LRIG1: variants seen among roughly 807,000 people sequenced by gnomAD.
LRIG1 encodes the protein leucine-rich repeats and immunoglobulin-like domains protein 1.
LRIG1 carries 48 observed loss-of-function variants against 99.2 expected under a neutral mutation model. That is an observed-to-expected ratio of 0.48 (90% CI 0.38 to 0.62). The LOEUF is 0.62. LRIG1 is among the 20% of genes least tolerant of loss of function. The probability of loss-of-function intolerance (pLI) is 0.00; values close to 1 mark genes in which losing one functional copy is unlikely to be tolerated. For missense variants in LRIG1, 1,646 were observed against 1,434.4 expected (o/e 1.15, Z -2.38); for synonymous variants, 772 against 596.1 (o/e 1.29, Z -4.30).
At chr3:66,411,658 G>C (rs1231909843) in intron 6 of LRIG1, among the ~76,000 whole-genome samples, 1 of 152,194 alleles carries the variant, frequency 6.6e-6, no homozygotes, top group African/African-American at 2.4e-5. Context: ...CATGTGGATG[G>C]ACCTGGGCCT....
intron 10 of LRIG1, 132 bp from the exon 11 acceptor site, chr3:66,398,315 T>C: frequency 3.0e-6 from 2 of 666,498 alleles, no homozygotes; most frequent in East Asian, 2.7e-5. Flanking sequence ...TAAGTGGCTG[T>C]TGTTTCCCAA....
chr3:66,409,845 CCAACAG>C, intron 7 of LRIG1: 1 of 315,716 alleles, frequency 3.2e-6, no homozygotes, highest in Non-Finnish European at 5.8e-6. Context: ...GTCTCCAAAC[CCAACAG>C]GACCTTGGGG....
At chr3:66,493,936 AAAAG>A (rs1172413057) in intron 1 of LRIG1, among the ~76,000 whole-genome samples, 4 of 151,766 alleles carry the variant, frequency 2.6e-5, no homozygotes, top group Admixed American at 6.6e-5. Context: ...AGAAAAAAGA[AAAAG>A]AAAACAGAGA....
At chr3:66,437,189 G>A (rs540150318) in intron 3 of LRIG1, among the ~76,000 whole-genome samples, 4 of 152,308 alleles carry the variant, frequency 2.6e-5, no homozygotes, top group South Asian at 4.1e-4. Context: ...CTCCACCTTC[G>A]CTTCACAGAA....
At chr3:66,495,243 T>C (rs994758536) in intron 1 of LRIG1, among the ~76,000 whole-genome samples, 4 of 152,212 alleles carry the variant, frequency 2.6e-5, no homozygotes, top group African/African-American at 9.6e-5. Flanking sequence ...TGGAGATTTT[T>C]AGATATTTGC....
chr3:66,418,077 G>GT (rs141622151), intron 3 of LRIG1, among the ~76,000 whole-genome samples: 2,365 of 148,146 alleles, frequency 0.016, 73 homozygotes, highest in African/African-American at 0.054. Flanking sequence ...TGTAACTTGT[G>GT]TTTTTTTTTT....
At chr3:66,426,391 C>T (rs913708303) in intron 3 of LRIG1, among the ~76,000 whole-genome samples, 1 of 152,206 alleles carries the variant, frequency 6.6e-6, no homozygotes. Flanking sequence ...CCCTGTCAAC[C>T]CTATGGCAAC....
intron 3 of LRIG1, among the ~76,000 whole-genome samples, chr3:66,427,166 C>A (rs1346524464): frequency 1.3e-5 from 2 of 152,242 alleles, no homozygotes; most frequent in South Asian, 4.1e-4. Context: ...CAGCACTCTG[C>A]CCATCATGGT....
At chr3:66,446,398 C>T (rs1202550201) in intron 3 of LRIG1, among the ~76,000 whole-genome samples, 1 of 150,250 alleles carries the variant, frequency 6.7e-6, no homozygotes, top group Non-Finnish European at 1.5e-5. Flanking sequence ...CTCCCGCCCA[C>T]CCGCCTTTTT....
chr3:66,390,839 T>C (rs1701589106), intron 12 of LRIG1, among the ~76,000 whole-genome samples: 1 of 152,142 alleles, frequency 6.6e-6, no homozygotes, highest in South Asian at 2.1e-4. Context: ...AATTAAAAAC[T>C]TTTGCATTTC....
In LRIG1 at chr3:66,382,382, T is replaced by A. The variant is rs1482332637; in HGVS notation, c.2508A>T (p.Pro836=). The A allele has an allele frequency of 6.2e-7, 1 of 1,614,162 alleles. No homozygotes were observed. Among genetic ancestry groups the A allele is most frequent in the Admixed American group, 1.7e-5 (1 of 60,022 alleles). The change falls in exon 16 of 19, where the codon CCA becomes CCT. Residue 836 remains proline, a synonymous_variant. Coordinates refer to ENST00000273261, the MANE Select transcript of LRIG1 (RefSeq NM_015541.3). ...SVTNTDETVV[P]PDVPSYLSSQ... The stretch of plus-strand genomic sequence containing the variant: ...AAGAGAGGTAGCTTGGAACATCTGG[T>A]GGCACGACGGTTTCATCTGCAAGGA...
At chr3:66,382,828 T>C (rs1021589948) in intron 15 of LRIG1, among the ~76,000 whole-genome samples, 154 bp downstream of exon 15, 1 of 152,174 alleles carries the variant, frequency 6.6e-6, no homozygotes, top group Non-Finnish European at 1.5e-5. Flanking sequence ...TAAGGTTAAG[T>C]TCCTCAAAGT....
chr3:66,483,069 C>T (rs1436542065), intron 1 of LRIG1, among the ~76,000 whole-genome samples: 2 of 152,280 alleles, frequency 1.3e-5, no homozygotes, highest in African/African-American at 2.4e-5. Context: ...CAGCACCCCC[C>T]GTAAGGCCAC....
At position 66,380,564 on chromosome 3, in the gene LRIG1, A is replaced by T. The variant is rs1341019688; in HGVS notation, c.3055+13T>A. The T allele has an allele frequency of 6.2e-7, 1 of 1,613,268 alleles. No individual in the cohort carries two copies. Among genetic ancestry groups the T allele is most frequent in the Non-Finnish European group, 8.5e-7 (1 of 1,179,366 alleles). ...GCTCCCAACCCACCTGTTAGAAGACAGTCAAAAGTTACCTTTCCCATCTAG... is the reference window on the plus strand; with the variant it reads ...GCTCCCAACCCACCTGTTAGAAGACTGTCAAAAGTTACCTTTCCCATCTAG... On this transcript the variant is annotated intron_variant, in intron 18 of 18. Coordinates refer to ENST00000273261, the MANE Select transcript of LRIG1 (RefSeq NM_015541.3).
chr3:66,409,528 C>A (rs1446605074), intron 7 of LRIG1, among the ~76,000 whole-genome samples: 1 of 152,230 alleles, frequency 6.6e-6, no homozygotes, highest in African/African-American at 2.4e-5. Flanking sequence ...CACCACACAT[C>A]TCTGAACTAA....
chr3:66,386,473 T>A, intron 12 of LRIG1, 172 bp from the exon 13 acceptor site: 1 of 609,036 alleles, frequency 1.6e-6, no homozygotes, highest in Non-Finnish European at 2.9e-6. Context: ...ACCATGGACA[T>A]CTGACCTCAT....
At chr3:66,496,283 TTAATTTAC>T (rs1375304683) in intron 1 of LRIG1, among the ~76,000 whole-genome samples, 1 of 152,164 alleles carries the variant, frequency 6.6e-6, no homozygotes, top group Non-Finnish European at 1.5e-5. Flanking sequence ...CAATACACAG[TTAATTTAC>T]ATGGGGCGCT....
intron 12 of LRIG1, among the ~76,000 whole-genome samples, chr3:66,392,698 GGCTAGGTGAACTT>G (rs1469352732): frequency 1.3e-5 from 2 of 152,176 alleles, no homozygotes; most frequent in Non-Finnish European, 2.9e-5. Context: ...ACAGGCTGGG[GGCTAGGTGAACTT>G]ACCAAAGTCC....
rs564554982 is a variant in LRIG1 at position 66,450,502 on chromosome 3, T to G, written c.365+1057A>C. Among the ~76,000 whole-genome samples the G allele has an allele frequency of 9.2e-5, 14 of 152,264 alleles. 1 individual carries two copies. ...GCAATTCTAACCCCCCACGCTCTCC[T>G]GCAATCCCACAATGCCATGAAAAGG... On this transcript the variant is annotated intron_variant, in intron 3 of 18. Transcript: ENST00000273261.
Sources: gnomAD v4.1 joint callset for allele counts (sites outside exome capture counted in the v4.1 genomes callset) on GRCh38, gnomAD v4.1.1 for gene constraint, MANE v1.5 for transcripts, NCBI Gene and HGNC (gene_info 2026-07-23, HGNC 2026-07-21) for gene names.